OR2AJ1: variants seen among roughly 807,000 people sequenced by gnomAD.
OR2AJ1 encodes the protein olfactory receptor 2AJ1.
For missense variants in OR2AJ1, 280 were observed against 163.2 expected (o/e 1.72, Z -3.90); for synonymous variants, 105 against 60.3 (o/e 1.74, Z -3.44).
Position 247,934,710 on chromosome 1 carries a change from G to A in OR2AJ1, c.942G>A (p.Met314Ile), listed in dbSNP as rs1179904440. Reference protein sequence around the residue: ...MLKSNFLHKKMNRKIPECVFC... With the variant: ...MLKSNFLHKKINRKIPECVFC... ...AAAGTAACTTTCTGCACAAAAAAAT[G>A]AATAGGAAAATTCCTGAATGTGTGT... The change falls in exon 2 of 2, where the codon ATG (methionine) becomes ATA (isoleucine). Residue 314 changes from methionine to isoleucine, a missense_variant. Transcript: ENST00000318244. The A allele has an allele frequency of 1.4e-6, 1 of 714,126 alleles. No homozygotes were observed. Among genetic ancestry groups the A allele is most frequent in the Non-Finnish European group, 2.6e-6 (1 of 384,900 alleles). 44.2% of individuals were successfully genotyped at this position (714,126 alleles called of 1,614,324 possible). A position where few individuals can be genotyped will look rare whatever the true frequency, so the allele number is the denominator to read the frequency against.
At chr1:247,930,180 C>G (rs1660136526) in intron 1 of OR2AJ1, among the ~76,000 whole-genome samples, 1 of 151,976 alleles carries the variant, frequency 6.6e-6, no homozygotes, top group African/African-American at 2.4e-5. Flanking sequence ...GTCTTGCAGT[C>G]AAACATGTAA....
intron 1 of OR2AJ1, 73 bp from the exon 2 acceptor site, chr1:247,933,674 C>G: frequency 2.0e-6 from 1 of 509,250 alleles, no homozygotes; most frequent in Non-Finnish European, 3.5e-6. Flanking sequence ...TTTTATTATG[C>G]AGGTATATTA....
chr1:247,929,918 G>C (rs547639467), intron 1 of OR2AJ1, among the ~76,000 whole-genome samples: 25 of 152,120 alleles, frequency 1.6e-4, no homozygotes, highest in Admixed American at 1.6e-3. Context: ...GAATTCCTGG[G>C]CTAGGTAACA....
intron 1 of OR2AJ1, among the ~76,000 whole-genome samples, chr1:247,931,895 C>T (rs1462123349): frequency 1.3e-5 from 2 of 152,104 alleles, no homozygotes; most frequent in African/African-American, 4.8e-5. Context: ...AAGTTAACTT[C>T]GGATATAGGT....
At chr1:247,928,883 A>G (rs1660121653) in intron 1 of OR2AJ1, among the ~76,000 whole-genome samples, 1 of 152,196 alleles carries the variant, frequency 6.6e-6, no homozygotes, top group African/African-American at 2.4e-5. Flanking sequence ...TCACGAGGTC[A>G]GGAGATCGAG....
chr1:247,932,607 C>T (rs1660166351), intron 1 of OR2AJ1, among the ~76,000 whole-genome samples: 3 of 152,076 alleles, frequency 2.0e-5, no homozygotes, highest in Admixed American at 6.5e-5. Context: ...TCATTTTATT[C>T]AAACAAGTAG....
At position 247,934,331 on chromosome 1, in the gene OR2AJ1, C is replaced by T. The variant is rs935108321; in HGVS notation, c.563C>T (p.Ser188Phe). The T allele has an allele frequency of 2.7e-6, 2 of 737,314 alleles. No individual in the cohort carries two copies. Among genetic ancestry groups the T allele is most frequent in the Admixed American group, 3.8e-5 (2 of 52,630 alleles). The allele number at this position is 737,314 out of a possible 1,614,324, so 45.7% of individuals were successfully genotyped here. A position where few individuals can be genotyped will look rare whatever the true frequency, so the allele number is the denominator to read the frequency against. Reference protein sequence around the residue: ...FCEVPAMLKLSCADTTRYERG... With the variant: ...FCEVPAMLKLFCADTTRYERG... Reference sequence around the variant, plus strand: ...GAAGTCCCTGCCATGTTGAAGTTGTCCTGTGCAGACACAACACGCTATGAA... The same window carrying T: ...GAAGTCCCTGCCATGTTGAAGTTGTTCTGTGCAGACACAACACGCTATGAA... The change falls in exon 2 of 2, where the codon TCC becomes TTC. Residue 188 changes from serine to phenylalanine, a missense_variant. Ser to Phe is a radical substitution (Grantham distance 155). Transcript: ENST00000318244.
chr1:247,928,523 G>A (rs1660116321), intron 1 of OR2AJ1, among the ~76,000 whole-genome samples: 1 of 152,078 alleles, frequency 6.6e-6, no homozygotes, highest in Admixed American at 6.6e-5. Flanking sequence ...CCCCATTTGT[G>A]TGTTTCTATC....
chr1:247,930,545 G>C (rs1393493727), intron 1 of OR2AJ1, among the ~76,000 whole-genome samples: 1 of 152,104 alleles, frequency 6.6e-6, no homozygotes, highest in African/African-American at 2.4e-5. Context: ...TGGAACATTT[G>C]CACAGTAAAC....
rs756913957 is a variant in OR2AJ1, at chr1:247,934,295, AC to A, written c.528del (p.Phe177SerfsTer9). 30 of 736,420 alleles carry A rather than the reference AC, an allele frequency of 4.1e-5. No homozygotes were observed. The South Asian group carries it at 4.2e-4, about 10-fold the overall frequency. 45.6% of individuals were successfully genotyped at this position (736,420 alleles called of 1,614,324 possible). A position where few individuals can be genotyped will look rare whatever the true frequency, so the allele number is the denominator to read the frequency against. ...FPFCGSRAID[H>X]FFCEVPAMLK... ...TTCTGTGGCTCTAGGGCAATTGATC[AC>A]TTCTTCTGTGAAGTCCCTGCCATGT... On this transcript the variant is annotated frameshift_variant, in exon 2 of 2. Coordinates refer to ENST00000318244, the MANE Select transcript of OR2AJ1 (RefSeq NM_001355235.2). LOFTEE classifies it low-confidence loss of function (END_TRUNC).
intron 1 of OR2AJ1, among the ~76,000 whole-genome samples, chr1:247,929,087 A>G (rs1347327098): frequency 6.6e-6 from 1 of 152,240 alleles, no homozygotes; most frequent in East Asian, 1.9e-4. Flanking sequence ...TTGAAAAGTT[A>G]GAAGGGCCAA....
intron 1 of OR2AJ1, among the ~76,000 whole-genome samples, chr1:247,932,280 G>A (rs968687983): frequency 1.3e-5 from 2 of 152,174 alleles, no homozygotes; most frequent in Non-Finnish European, 2.9e-5. Context: ...AGGTTGCAGT[G>A]AGCTGAGATC....
intron 1 of OR2AJ1, among the ~76,000 whole-genome samples, chr1:247,929,973 ATAGT>A (rs1387157061): frequency 2.0e-5 from 3 of 152,178 alleles, no homozygotes; most frequent in African/African-American, 7.2e-5. Flanking sequence ...AGATAAAGTA[ATAGT>A]TAAATTTCAT....
At chr1:247,926,777 G>A (rs1440703556) in intron 1 of OR2AJ1, among the ~76,000 whole-genome samples, 1 of 152,194 alleles carries the variant, frequency 6.6e-6, no homozygotes, top group Non-Finnish European at 1.5e-5. Flanking sequence ...TGCTAAGATA[G>A]AGTTTTTAAT....
rs1031815081 is a variant in OR2AJ1 at position 247,933,695 on chromosome 1, A to C, written c.-22-52A>C. On this transcript the variant is annotated intron_variant, in intron 1 of 1. Transcript: ENST00000318244. ...TATGCAGGTATATTATTGTTAGATT[A>C]AGATTTACACTAATATTTTTTCTTT... 5 of 541,480 alleles carry C rather than the reference A, an allele frequency of 9.2e-6. No homozygotes were observed. In the Admixed American group the frequency reaches 1.8e-4, roughly 20 times the overall value. 33.5% of individuals were successfully genotyped at this position (541,480 alleles called of 1,614,324 possible).
intron 1 of OR2AJ1, among the ~76,000 whole-genome samples, chr1:247,927,875 A>C (rs540599305): frequency 3.1e-4 from 47 of 152,184 alleles, no homozygotes; most frequent in Non-Finnish European, 5.6e-4. Context: ...TTATGACTGA[A>C]TAGTATTCCA....
At position 247,933,615 on chromosome 1, in the gene OR2AJ1, G is replaced by T. The variant is rs186168353; in HGVS notation, c.-22-132G>T. Reference sequence around the variant, plus strand: ...TAAAACATGCCCACTCCAAAAACTGGCTAAGAGTATTTTGATGTTGATTAC... The same window carrying T: ...TAAAACATGCCCACTCCAAAAACTGTCTAAGAGTATTTTGATGTTGATTAC... On this transcript the variant is annotated intron_variant, in intron 1 of 1. Coordinates refer to ENST00000318244, the MANE Select transcript of OR2AJ1 (RefSeq NM_001355235.2). The T allele has an allele frequency of 1.3e-5, 6 of 463,728 alleles. No individual in the cohort carries two copies. The East Asian group carries it at 2.0e-4, about 15-fold the overall frequency. 28.7% of individuals were successfully genotyped at this position (463,728 alleles called of 1,614,324 possible). A position where few individuals can be genotyped will look rare whatever the true frequency, so the allele number is the denominator to read the frequency against.
rs1326859398 is a variant in OR2AJ1, at chr1:247,933,739, CT to C, written c.-22-3del. The C allele has an allele frequency of 1.2e-5, 7 of 566,432 alleles. No homozygotes were observed. In the South Asian group the frequency reaches 1.6e-4, roughly 13 times the overall value. 35.1% of individuals were successfully genotyped at this position (566,432 alleles called of 1,614,324 possible). ...TTTCTTTATTATTAATTCATTATTT[CT>C]TTTTAGGTTAAAAAATAGAGAATTC... On this transcript the variant is annotated splice_polypyrimidine_tract_variant and splice_region_variant and intron_variant, in intron 1 of 1. Transcript: ENST00000318244.
chr1:247,934,532 T>G lies in OR2AJ1; in HGVS notation c.764T>G (p.Phe255Cys), dbSNP rs1245774488. The change falls in exon 2 of 2, where the codon TTT (phenylalanine) becomes TGT (cysteine). Residue 255 changes from phenylalanine (F) to cysteine (C), a missense_variant. Coordinates refer to ENST00000318244, the MANE Select transcript of OR2AJ1 (RefSeq NM_001355235.2). The stretch of plus-strand genomic sequence containing the variant: ...GTGGTCACGATGTACTATGGGCCAT[T>G]TATTTTTACATATATGAGACCTAAA... Reference protein sequence around the residue: ...MIVVTMYYGPFIFTYMRPKSY... With the variant: ...MIVVTMYYGPCIFTYMRPKSY... 1 of 717,568 alleles carries G rather than the reference T, an allele frequency of 1.4e-6. No individual in the cohort carries two copies. Among genetic ancestry groups the G allele is most frequent in the Non-Finnish European group, 2.6e-6 (1 of 385,100 alleles). 44.5% of individuals were successfully genotyped at this position (717,568 alleles called of 1,614,324 possible). A position where few individuals can be genotyped will look rare whatever the true frequency, so the allele number is the denominator to read the frequency against.
Sources: allele counts gnomAD v4.1 joint callset (sites outside exome capture counted in the v4.1 genomes callset), GRCh38; gene constraint gnomAD v4.1.1; transcripts MANE v1.5; gene names NCBI Gene and HGNC (gene_info 2026-07-23, HGNC 2026-07-21).